Variants in ZDHHC11 observed in about 807,000 individuals in gnomAD.
ZDHHC11 encodes the protein zDHHC palmitoyltransferase 11.
Under a neutral mutation model 51.3 loss-of-function variants are expected in ZDHHC11, and 44 were observed. That is an observed-to-expected ratio of 0.86 (90% CI 0.67 to 1.10). The LOEUF (loss-of-function observed/expected upper bound fraction) is 1.10. Ranked by LOEUF, ZDHHC11 falls within the 50% of genes least tolerant of loss-of-function variation. ZDHHC11 has a pLI of 0.00. For missense variants in ZDHHC11, 400 were observed against 537.7 expected, an observed-to-expected ratio of 0.74 and a Z score of 2.53; for synonymous variants, 163 against 222.0, an observed-to-expected ratio of 0.73 and a Z score of 2.36.
At chr5:827,763 A>G (rs1244600814) in intron 7 of ZDHHC11, among the ~76,000 whole-genome samples, 1 of 146,660 alleles carries the variant, frequency 6.8e-6, no homozygotes, top group South Asian at 2.1e-4. Context: ...TTTTTTATTG[A>G]TCATTCTTGG....
Position 850,947 on chromosome 5 carries a change from G to A in ZDHHC11, c.-345C>T, listed in dbSNP as rs750879638. 19 of 387,600 alleles carry A rather than the reference G, an allele frequency of 4.9e-5. No homozygotes were observed. Among genetic ancestry groups the A allele is most frequent in the Non-Finnish European group, 8.0e-5 (17 of 212,848 alleles). The allele number at this position is 387,600 out of a possible 1,614,324, so 24.0% of individuals were successfully genotyped here. A position where few individuals can be genotyped will look rare whatever the true frequency, so the allele number is the denominator to read the frequency against. ...ATTTGTTACGTTCTGGGGAGTGCTCGACAGCCCCCACACAGCGACAGGTCC... is the reference window on the plus strand; with the variant it reads ...ATTTGTTACGTTCTGGGGAGTGCTCAACAGCCCCCACACAGCGACAGGTCC... On this transcript the variant is annotated 5_prime_UTR_variant, in exon 1 of 13. Coordinates refer to ENST00000283441, the MANE Select transcript of ZDHHC11 (RefSeq NM_024786.3).
Position 850,889 on chromosome 5 carries a change from T to TGGCCAGGCCTCCGGG in ZDHHC11, c.-288_-287insCCCGGAGGCCTGGCC. 1 of 461,848 alleles carries TGGCCAGGCCTCCGGG rather than the reference T, an allele frequency of 2.2e-6. No individual in the cohort carries two copies. Among genetic ancestry groups the TGGCCAGGCCTCCGGG allele is most frequent in the East Asian group, 3.3e-5 (1 of 30,312 alleles). 28.6% of individuals were successfully genotyped at this position (461,848 alleles called of 1,614,324 possible). A position where few individuals can be genotyped will look rare whatever the true frequency, so the allele number is the denominator to read the frequency against. ...GCTCTCCAGGGTGTGGAGGACCCAGTGCCCGCGCGACCGCCCATCAGTTCC... is the reference window on the plus strand; with the variant it reads ...GCTCTCCAGGGTGTGGAGGACCCAGTGGCCAGGCCTCCGGGGCCCGCGCGACCGCCCATCAGTTCC... On this transcript the variant is annotated 5_prime_UTR_variant, in exon 1 of 13. Transcript: ENST00000283441.
At chr5:840,140 T>G (rs1384064224) in intron 5 of ZDHHC11, 13 of 618,114 alleles carry the variant, frequency 2.1e-5, no homozygotes, top group Non-Finnish European at 3.8e-5. Context: ...CACCTGTCCT[T>G]ATTTCATAAT....
At chr5:842,881 C>G (rs1252468168) in intron 4 of ZDHHC11, among the ~76,000 whole-genome samples, 6 of 152,182 alleles carry the variant, frequency 3.9e-5, no homozygotes, top group African/African-American at 1.4e-4. Flanking sequence ...CCCCTGCCTC[C>G]ATCCTCACGA....
Position 825,189 on chromosome 5 carries a change from T to A in ZDHHC11, c.998A>T (p.Asn333Ile), listed in dbSNP as rs1742165139. Reference sequence around the variant, plus strand: ...CCGTGCCGTCGAATCCCCATCCTGGTTTACTGAAGTGCAGAAGTGACATAA... The same window carrying A: ...CCGTGCCGTCGAATCCCCATCCTGGATTACTGAAGTGCAGAAGTGACATAA... Reference protein sequence around the residue: ...KHLCHFCTSVNQDGDSTAREG... With the variant: ...KHLCHFCTSVIQDGDSTAREG... Residue 333 changes from asparagine (N) to isoleucine (I), a missense_variant, in exon 8 of 13, where the codon AAC (asparagine) becomes ATC (isoleucine). Asn to Ile is a moderately radical substitution (Grantham distance 149). Transcript: ENST00000283441. The A allele has an allele frequency of 4.3e-6, 7 of 1,612,814 alleles. No individual in the cohort carries two copies. Among genetic ancestry groups the A allele is most frequent in the Non-Finnish European group, 5.9e-6 (7 of 1,179,188 alleles).
At chr5:813,624 C>T (rs1561242195) in intron 11 of ZDHHC11, among the ~76,000 whole-genome samples, 1 of 149,956 alleles carries the variant, frequency 6.7e-6, no homozygotes, top group Non-Finnish European at 1.5e-5. Flanking sequence ...GGCCATCTGG[C>T]CCCCCTGAGC....
intron 11 of ZDHHC11, among the ~76,000 whole-genome samples, chr5:813,256 T>A (rs564281263): frequency 1.4e-5 from 2 of 141,756 alleles, no homozygotes; most frequent in Non-Finnish European, 3.0e-5. Context: ...AGAATCCAAG[T>A]GGCAAAGGTT....
intron 8 of ZDHHC11, chr5:823,778 T>C (rs1456592105): frequency 3.4e-6 from 1 of 294,450 alleles, no homozygotes; most frequent in South Asian, 3.2e-5. Context: ...ACATAGAAGC[T>C]GCAGAGACAC....
chr5:796,992 G>T (rs1392058937), intron 12 of ZDHHC11, among the ~76,000 whole-genome samples: 1 of 151,602 alleles, frequency 6.6e-6, no homozygotes, highest in East Asian at 1.9e-4. Context: ...TGGATCATGA[G>T]GTCAGGAGAT....
intron 6 of ZDHHC11, among the ~76,000 whole-genome samples, 157 bp downstream of exon 6, chr5:837,208 C>T: frequency 6.6e-6 from 1 of 152,076 alleles, no homozygotes; most frequent in Non-Finnish European, 1.5e-5. Flanking sequence ...CATAGACACA[C>T]CCATGCACAG....
Position 818,076 on chromosome 5 carries a change from G to A in ZDHHC11, c.1146+1449C>T, listed in dbSNP as rs898527702. On this transcript the variant is annotated intron_variant, in intron 10 of 12. Transcript: ENST00000283441. ...ATTGTCCTGGAGCCCACGGAGACGC[G>A]GGCTTGGGATCCAACGTGATGCTGA... Among the ~76,000 whole-genome samples, 9 of 151,382 alleles carry A rather than the reference G, an allele frequency of 5.9e-5. 1 individual carries two copies. Among genetic ancestry groups the A allele is most frequent in the African/African-American group, 1.4e-4 (6 of 41,392 alleles).
chr5:856,698 C>T (rs1328642525), intron 1 of ZDHHC11, among the ~76,000 whole-genome samples: 1 of 151,580 alleles, frequency 6.6e-6, no homozygotes, highest in Non-Finnish European at 1.5e-5. Context: ...ACCACAAACG[C>T]ATCACTCTCC....
chr5:811,538 A>G (rs1434781215), intron 11 of ZDHHC11, among the ~76,000 whole-genome samples: 5 of 148,048 alleles, frequency 3.4e-5, no homozygotes, highest in Admixed American at 3.3e-4. Context: ...CGCTGCCCCC[A>G]GCACGTTTCC....
chr5:856,506 C>T (rs1407819419), intron 1 of ZDHHC11, among the ~76,000 whole-genome samples: 1 of 151,498 alleles, frequency 6.6e-6, no homozygotes, highest in Non-Finnish European at 1.5e-5. Context: ...ACACCACCCA[C>T]ACACCACACA....
chr5:841,946 T>C, intron 4 of ZDHHC11: 1 of 989,792 alleles, frequency 1.0e-6, no homozygotes, highest in Non-Finnish European at 1.2e-6. Flanking sequence ...ACACTCAGCC[T>C]GACAGGACCG....
chr5:825,573 A>G (rs1468584217), intron 7 of ZDHHC11, among the ~76,000 whole-genome samples: 1 of 152,222 alleles, frequency 6.6e-6, no homozygotes, highest in African/African-American at 2.4e-5. Flanking sequence ...GATGGGAGAC[A>G]GGTCTGATAT....
intron 7 of ZDHHC11, among the ~76,000 whole-genome samples, chr5:831,040 T>C (rs1288809733): frequency 6.7e-6 from 1 of 150,124 alleles, no homozygotes; most frequent in East Asian, 2.0e-4. Context: ...GAAAAACTTT[T>C]GTAGGCATTG....
Position 842,107 on chromosome 5 carries a change from C to G in ZDHHC11, c.629-1457G>C, listed in dbSNP as rs397840494. 7 of 986,474 alleles carry G rather than the reference C, an allele frequency of 7.1e-6. No homozygotes were observed. The African/African-American group carries it at 1.0e-4, about 15-fold the overall frequency. 61.1% of individuals were successfully genotyped at this position (986,474 alleles called of 1,614,324 possible). A position where few individuals can be genotyped will look rare whatever the true frequency, so the allele number is the denominator to read the frequency against. ...GCAGAATCATCTGGAACAGCAAACC[C>G]AGGAATTCACTCAGGCCACAATCAA... On this transcript the variant is annotated intron_variant, in intron 4 of 12. Coordinates refer to ENST00000283441, the MANE Select transcript of ZDHHC11 (RefSeq NM_024786.3).
At chr5:812,366 G>A (rs1489208251) in intron 11 of ZDHHC11, among the ~76,000 whole-genome samples, 1 of 152,064 alleles carries the variant, frequency 6.6e-6, no homozygotes, top group African/African-American at 2.4e-5. Context: ...CTAACGTGCA[G>A]AGAGCACTTA....
Sources: allele counts gnomAD v4.1 joint callset (sites outside exome capture counted in the v4.1 genomes callset), GRCh38; gene constraint gnomAD v4.1.1; transcripts MANE v1.5; gene names NCBI Gene and HGNC (gene_info 2026-07-23, HGNC 2026-07-21).